The following ATRX variants were observed in gnomAD, a reference collection of about 807,000 sequenced individuals.
ATRX encodes ATRX chromatin remodeler, also known as chromatin remodeler ATRX.
Under a neutral mutation model 172.6 loss-of-function variants are expected in ATRX, and 12 were observed. That is an observed-to-expected ratio of 0.07 (90% CI 0.04 to 0.11). ATRX has a LOEUF of 0.11. Among genes scored for constraint, ATRX ranks in the 10% least tolerant of loss-of-function variants. The pLI is 1.00. For missense variants in ATRX, 1,368 were observed against 1,767.4 expected (o/e 0.77, Z 4.05); for synonymous variants, 674 against 594.7 (o/e 1.13, Z -1.94).
rs1200937727 is a variant in ATRX, at chrX:77,620,331, C to T, written c.5272+64G>A. 1.9e-5 allele frequency: 21 copies of T among 1,134,088 alleles called. No homozygotes were observed. The South Asian group carries it at 3.0e-4, about 16-fold the overall frequency. The allele number at this position is 1,134,088 out of a possible 1,213,427, so 93.5% of individuals were successfully genotyped here. A position where few individuals can be genotyped will look rare whatever the true frequency, so the allele number is the denominator to read the frequency against. On this transcript the variant is annotated intron_variant, in intron 20 of 34. Coordinates refer to ENST00000373344, the MANE Select transcript of ATRX (RefSeq NM_000489.6). ...TAAGTAGAAGAAAGGTAAATGGTAA[C>T]GTTACAAAAATATATCTGAGGAAAT...
rs2071381766 is a variant in ATRX, at chrX:77,683,626, G to C, written c.1630C>G (p.His544Asp). 1 of 1,211,444 alleles carries C rather than the reference G, an allele frequency of 8.3e-7. No homozygotes were observed. Among genetic ancestry groups the C allele is most frequent in the Non-Finnish European group, 1.1e-6 (1 of 895,238 alleles). ...TAMEVQSSVDHQGDGSSGTEQ... is the reference protein window; with the variant it reads ...TAMEVQSSVDDQGDGSSGTEQ... ...GTTCCACTGCTGCCATCCCCTTGAT[G>C]ATCAACTGAACTCTGAACTTCCATA... The change falls in exon 9 of 35, where the codon CAT becomes GAT. Residue 544 changes from histidine (H) to aspartate (D), a missense_variant. Physicochemically the swap from His to Asp is moderately conservative, Grantham distance 81. Coordinates refer to ENST00000373344, the MANE Select transcript of ATRX (RefSeq NM_000489.6).
intron 2 of ATRX, among the ~76,000 whole-genome samples, chrX:77,702,303 C>T (rs1201234162): frequency 9.0e-6 from 1 of 111,279 alleles, no homozygotes; most frequent in African/African-American, 3.3e-5. Context: ...ATTAGCTGGG[C>T]GTGGTGGCAG....
At chrX:77,576,638 C>CA (rs1175564540) in intron 27 of ATRX, among the ~76,000 whole-genome samples, 1 of 111,110 alleles carries the variant, frequency 9.0e-6, no homozygotes, top group African/African-American at 3.3e-5. Context: ...TGGTGCTAGA[C>CA]AAAGAGTATA....
chrX:77,522,143 C>G, intron 32 of ATRX, 120 bp downstream of exon 32: 1 of 975,500 alleles, frequency 1.0e-6, no homozygotes, highest in Non-Finnish European at 1.5e-6. Flanking sequence ...AAAATTTATT[C>G]GTCTATTCAG....
At chrX:77,581,087 G>C (rs1354048601) in intron 27 of ATRX, among the ~76,000 whole-genome samples, 5 of 110,953 alleles carry the variant, frequency 4.5e-5, no homozygotes, top group African/African-American at 1.6e-4. Flanking sequence ...CAAACAAAAA[G>C]GAAGAAACTA....
chrX:77,717,742 G>C (rs1259708846), intron 1 of ATRX, among the ~76,000 whole-genome samples: 1 of 111,002 alleles, frequency 9.0e-6, no homozygotes, highest in Non-Finnish European at 1.9e-5. Flanking sequence ...CGAAAATACT[G>C]AGGTCTTTCA....
intron 1 of ATRX, 87 bp from the exon 2 acceptor site, chrX:77,717,330 C>A: frequency 1.4e-6 from 1 of 733,661 alleles, no homozygotes; most frequent in Non-Finnish European, 2.1e-6. Flanking sequence ...GAAAATATAG[C>A]CATACTGTAA....
At chrX:77,511,474 A>G (rs1371249567) in intron 34 of ATRX, among the ~76,000 whole-genome samples, 1 of 111,978 alleles carries the variant, frequency 8.9e-6, no homozygotes, top group Non-Finnish European at 1.9e-5. Context: ...ATAAGGCCTC[A>G]GGGACCAATC....
chrX:77,693,119 T>C (rs2072000759), intron 6 of ATRX, among the ~76,000 whole-genome samples: 1 of 111,043 alleles, frequency 9.0e-6, no homozygotes, highest in Non-Finnish European at 1.9e-5. Context: ...ACTCCAGGAC[T>C]CAAGTAATTC....
At chrX:77,588,451 G>A (rs1313905972) in intron 27 of ATRX, among the ~76,000 whole-genome samples, 3 of 111,616 alleles carry the variant, frequency 2.7e-5, no homozygotes, top group Non-Finnish European at 5.6e-5. Context: ...AAATATTTTT[G>A]CGCATCAGAG....
chrX:77,782,291 ACTTT>A (rs1557205935), intron 1 of ATRX, among the ~76,000 whole-genome samples: 3 of 112,179 alleles, frequency 2.7e-5, no homozygotes, highest in East Asian at 2.8e-4. Context: ...CTTAACAGAT[ACTTT>A]CTAAGACATT....
At chrX:77,780,168 A>G (rs1557204858) in intron 1 of ATRX, among the ~76,000 whole-genome samples, 1 of 111,850 alleles carries the variant, frequency 8.9e-6, no homozygotes. Flanking sequence ...GACAAGTATC[A>G]GCAACAAAAC....
chrX:77,542,316 G>C, intron 30 of ATRX, among the ~76,000 whole-genome samples: 1 of 111,728 alleles, frequency 9.0e-6, no homozygotes, highest in Middle Eastern at 4.6e-3. Flanking sequence ...GAAATAAAGA[G>C]AGGACACAAA....
At chrX:77,766,105 G>A (rs1199579543) in intron 1 of ATRX, among the ~76,000 whole-genome samples, 3 of 112,440 alleles carry the variant, frequency 2.7e-5, no homozygotes, top group South Asian at 7.3e-4. Flanking sequence ...ACACAGACAC[G>A]GCAACCATCC....
chrX:77,722,047 C>T, intron 1 of ATRX, among the ~76,000 whole-genome samples: 1 of 111,545 alleles, frequency 9.0e-6, no homozygotes, highest in Non-Finnish European at 1.9e-5. Flanking sequence ...TGATCTTTGA[C>T]AAACCTGACA....
At chrX:77,662,833 C>G (rs1603137308) in intron 12 of ATRX, among the ~76,000 whole-genome samples, 1 of 110,786 alleles carries the variant, frequency 9.0e-6, no homozygotes, top group Non-Finnish European at 1.9e-5. Context: ...GTAGCTGGGA[C>G]TACAGGTGCG....
In ATRX at chrX:77,651,948, A is replaced by T. The variant is rs1045558808; in HGVS notation, c.4557+166T>A. The T allele has an allele frequency of 1.7e-5, 8 of 468,515 alleles. No individual in the cohort carries two copies. In the Admixed American group the frequency reaches 2.7e-4, roughly 16 times the overall value. The allele number at this position is 468,515 out of a possible 1,213,427, so 38.6% of individuals were successfully genotyped here. On this transcript the variant is annotated intron_variant, in intron 15 of 34. Coordinates refer to ENST00000373344, the MANE Select transcript of ATRX (RefSeq NM_000489.6). ...ATATACCAAATAAAATAAATCATTA[A>T]TAGAAATAAATTAAGGCTGGGTGTG...
rs2148583558 is a variant in ATRX at position 77,682,238 on chromosome X, T to C, written c.3018A>G (p.Glu1006=). ...CATCAGATGAAGATTCATACTGTTG[T>C]TCCATTTTAATTACTTTTTTCTTAA... ...SDFKKKVIKM[E]QQYESSSDGT... The change falls in exon 9 of 35, where the codon GAA becomes GAG. Residue 1006 remains glutamate (E), a synonymous_variant. Coordinates refer to ENST00000373344, the MANE Select transcript of ATRX (RefSeq NM_000489.6). 2.5e-6 allele frequency: 3 copies of C among 1,207,375 alleles called. No individual in the cohort carries two copies. The highest frequency in any genetic ancestry group is 1.8e-5 in the South Asian group (1 of 55,273).
rs1557150666 is a variant in ATRX, at chrX:77,697,576, A to C, written c.242+7T>G. ...AATAACTTTTTGTCCCTTCAACATCAACCAACCTCTTTGATCGTGACGATC... is the reference window on the plus strand; with the variant it reads ...AATAACTTTTTGTCCCTTCAACATCCACCAACCTCTTTGATCGTGACGATC... On this transcript the variant is annotated splice_region_variant and intron_variant, in intron 4 of 34. Transcript: ENST00000373344. 2.5e-6 allele frequency: 3 copies of C among 1,210,242 alleles called. No homozygotes were observed. Among genetic ancestry groups the C allele is most frequent in the Non-Finnish European group, 3.4e-6 (3 of 894,432 alleles).
Sources: gnomAD v4.1 joint callset for allele counts (sites outside exome capture counted in the v4.1 genomes callset) on GRCh38, gnomAD v4.1.1 for gene constraint, MANE v1.5 for transcripts, NCBI Gene and HGNC (gene_info 2026-07-23, HGNC 2026-07-21) for gene names.